ARHGAP22: variants seen among roughly 807,000 people sequenced by gnomAD.
ARHGAP22 encodes the protein Rho GTPase activating protein 22.
In ARHGAP22, 48 loss-of-function variants were observed where a neutral mutation model predicts 59.1. That is an observed-to-expected ratio of 0.81 (90% confidence interval 0.64 to 1.03). The LOEUF (loss-of-function observed/expected upper bound fraction) is 1.03, where lower values mean the gene tolerates loss of function less well. Among genes scored for constraint, ARHGAP22 ranks in the 50% least tolerant of loss-of-function variants. The probability of loss-of-function intolerance (pLI) is 0.00; values close to 1 mark genes in which losing one functional copy is unlikely to be tolerated. For missense variants in ARHGAP22, 1,015 were observed against 958.7 expected, an observed-to-expected ratio of 1.06 and a Z score of -0.78; for synonymous variants, 445 against 416.4, an observed-to-expected ratio of 1.07 and a Z score of -0.84.
chr10:48,643,698 C>G lies in ARHGAP22; in HGVS notation c.52+8536G>C, dbSNP rs557417293. ...AGCACACCAACATGGCACATGTATA[C>G]ATATGTAACAAACCTGCATGTTATG... On this transcript the variant is annotated intron_variant, in intron 1 of 9. Transcript: ENST00000435790. Among the ~76,000 whole-genome samples the G allele has an allele frequency of 3.6e-3, 539 of 149,054 alleles. 1 individual carries two copies. Among genetic ancestry groups the G allele is most frequent in the Non-Finnish European group, 5.9e-3 (401 of 67,712 alleles).
intron 3 of ARHGAP22, among the ~76,000 whole-genome samples, chr10:48,486,060 A>G (rs2049829023): frequency 6.6e-6 from 1 of 151,674 alleles, no homozygotes; most frequent in Admixed American, 6.6e-5. Context: ...TTTGTTTTTA[A>G]TGACTTCATT....
At chr10:48,486,224 T>C (rs1229013706) in intron 3 of ARHGAP22, among the ~76,000 whole-genome samples, 11 of 152,144 alleles carry the variant, frequency 7.2e-5, no homozygotes. Context: ...TACAAGATTA[T>C]ACTTCCATGT....
intron 1 of ARHGAP22, among the ~76,000 whole-genome samples, chr10:48,590,381 G>A (rs1009699765): frequency 1.3e-5 from 2 of 152,112 alleles, no homozygotes; most frequent in East Asian, 1.9e-4. Flanking sequence ...GAGCTCAGGG[G>A]GTCAGAGGTT....
intron 2 of ARHGAP22, among the ~76,000 whole-genome samples, chr10:48,566,149 G>A (rs1380608057): frequency 6.6e-6 from 1 of 152,146 alleles, no homozygotes; most frequent in African/African-American, 2.4e-5. Context: ...AACAACTTCT[G>A]CAATTCTTTT....
At chr10:48,620,379 C>T (rs1460600584) in intron 1 of ARHGAP22, among the ~76,000 whole-genome samples, 2 of 152,064 alleles carry the variant, frequency 1.3e-5, no homozygotes, top group African/African-American at 4.8e-5. Flanking sequence ...GAGAAGCAGG[C>T]TCAGAGATGT....
At chr10:48,504,240 A>G (rs1490827679) in intron 3 of ARHGAP22, among the ~76,000 whole-genome samples, 1 of 152,190 alleles carries the variant, frequency 6.6e-6, no homozygotes, top group Non-Finnish European at 1.5e-5. Flanking sequence ...CTGGAACCTT[A>G]GCTCCCCACT....
At chr10:48,542,810 G>A (rs2056083328) in intron 3 of ARHGAP22, among the ~76,000 whole-genome samples, 1 of 152,226 alleles carries the variant, frequency 6.6e-6, no homozygotes, top group Admixed American at 6.5e-5. Flanking sequence ...GAACACCCTT[G>A]GGGGTGGCCT....
At chr10:48,634,328 CA>C (rs1395747710) in intron 1 of ARHGAP22, among the ~76,000 whole-genome samples, 1 of 152,186 alleles carries the variant, frequency 6.6e-6, no homozygotes, top group Non-Finnish European at 1.5e-5. Context: ...CTCATCTAGC[CA>C]ACAGGGAAAA....
intron 3 of ARHGAP22, among the ~76,000 whole-genome samples, chr10:48,504,239 T>C (rs1589802220): frequency 6.6e-6 from 1 of 152,186 alleles, no homozygotes; most frequent in Non-Finnish European, 1.5e-5. Flanking sequence ...CCTGGAACCT[T>C]AGCTCCCCAC....
rs2046362185 is a variant in ARHGAP22 at position 48,455,122 on chromosome 10, C to T, written c.672G>A (p.Val224=). 6.2e-7 allele frequency: 1 copy of T among 1,610,554 alleles called. No homozygotes were observed. The highest frequency in any genetic ancestry group is 8.5e-7 in the Non-Finnish European group (1 of 1,178,554). The change falls in exon 6 of 10, where the codon GTG becomes GTA. Residue 224 remains valine (V), a synonymous_variant. Transcript: ENST00000249601. ...EKPLFDSTTD[V]HTVASLLKLY... The stretch of plus-strand genomic sequence containing the variant: ...GCTTCAGCAGGGAGGCCACCGTGTG[C>T]ACGTCTGTTGTGCTGTGGGGGGGAA...
intron 1 of ARHGAP22, among the ~76,000 whole-genome samples, chr10:48,617,769 C>A (rs73302283): frequency 0.033 from 4,952 of 151,870 alleles, 208 homozygotes; most frequent in African/African-American, 0.1. Flanking sequence ...CCTAGTAATG[C>A]CTCTCAAGAA....
upstream of ARHGAP22, among the ~76,000 whole-genome samples, chr10:48,654,179 T>C (rs1391130728): frequency 6.6e-6 from 1 of 152,200 alleles, no homozygotes; most frequent in Non-Finnish European, 1.5e-5. Flanking sequence ...AGCTTGACAA[T>C]GTTAACCAAG....
intron 3 of ARHGAP22, among the ~76,000 whole-genome samples, chr10:48,526,210 G>A (rs1326522906): frequency 6.6e-6 from 1 of 152,180 alleles, no homozygotes; most frequent in Non-Finnish European, 1.5e-5. Flanking sequence ...GCACGGAGCA[G>A]AAGAGTTAAA....
intron 1 of ARHGAP22, among the ~76,000 whole-genome samples, chr10:48,620,686 C>G (rs1385847794): frequency 1.3e-5 from 2 of 152,140 alleles, no homozygotes; most frequent in African/African-American, 4.8e-5. Flanking sequence ...ATGAACTGGC[C>G]CATAGGCTGT....
At chr10:48,578,217 G>T (rs961087003) in intron 2 of ARHGAP22, among the ~76,000 whole-genome samples, 1 of 152,058 alleles carries the variant, frequency 6.6e-6, no homozygotes, top group African/African-American at 2.4e-5. Context: ...AGTCTTTGAG[G>T]GGTTTTGTTT....
In ARHGAP22 at chr10:48,572,846, A is replaced by T. The variant is rs7358032; in HGVS notation, c.234+10107T>A. Reference sequence around the variant, plus strand: ...TAAGTTAACAGAGACCAAACCTGGAAATGGCATGGCATCACTTCTGTCTTA... The same window carrying T: ...TAAGTTAACAGAGACCAAACCTGGATATGGCATGGCATCACTTCTGTCTTA... On this transcript the variant is annotated intron_variant, in intron 2 of 9. Transcript: ENST00000249601. Among the ~76,000 whole-genome samples, 3 of 152,138 alleles carry T rather than the reference A, an allele frequency of 2.0e-5. No homozygotes were observed. The East Asian group carries it at 5.8e-4, about 29-fold the overall frequency.
At position 48,551,068 on chromosome 10, in the gene ARHGAP22, C is replaced by T. The variant is rs561541006; in HGVS notation, c.322+4395G>A. 3.9e-5 allele frequency among the ~76,000 whole-genome samples: 6 copies of T among 152,324 alleles called. No homozygotes were observed. The South Asian group carries it at 1.0e-3, about 26-fold the overall frequency. On this transcript the variant is annotated intron_variant, in intron 3 of 9. Coordinates refer to ENST00000249601, the MANE Select transcript of ARHGAP22 (RefSeq NM_021226.4). ...CTCCTAGACTCTTCCCTGAACTGCA[C>T]CCTGGGCACTGGGGTGGGAAGGAGG...
chr10:48,457,936 A>AG (rs1477313789), intron 5 of ARHGAP22, among the ~76,000 whole-genome samples: 2 of 4,806 alleles, frequency 4.2e-4, no homozygotes, highest in Non-Finnish European at 7.7e-4. Flanking sequence ...GTGGGTAGGG[A>AG]GGGGGGACCT....
intron 5 of ARHGAP22, among the ~76,000 whole-genome samples, chr10:48,458,601 G>A (rs745421219): frequency 1.3e-5 from 2 of 152,200 alleles, no homozygotes; most frequent in Non-Finnish European, 2.9e-5. Context: ...CTAGGGCAGA[G>A]CATCTGATCC....
Sources: gnomAD v4.1 joint callset for allele counts (sites outside exome capture counted in the v4.1 genomes callset) on GRCh38, gnomAD v4.1.1 for gene constraint, MANE v1.5 for transcripts, NCBI Gene and HGNC (gene_info 2026-07-23, HGNC 2026-07-21) for gene names.